The following LRBA variants were observed in gnomAD, a reference collection of about 807,000 sequenced individuals.
LRBA encodes the protein LPS responsive beige-like anchor protein, also known as lipopolysaccharide-responsive and beige-like anchor protein.
A neutral mutation model predicts 330.0 loss-of-function variants in LRBA; 176 were observed. That is an observed-to-expected ratio of 0.53 (90% confidence interval 0.47 to 0.60). The LOEUF (loss-of-function observed/expected upper bound fraction) is 0.60, where lower values mean the gene tolerates loss of function less well. LRBA is among the 20% of genes least tolerant of loss of function. LRBA has a pLI of 0.00. For missense variants in LRBA, 3,259 were observed against 3,444.8 expected, an observed-to-expected ratio of 0.95 and a Z score of 1.35; for synonymous variants, 1,230 against 1,193.0, an observed-to-expected ratio of 1.03 and a Z score of -0.64.
At chr4:150,491,834 C>T (rs1758990631) in intron 40 of LRBA, among the ~76,000 whole-genome samples, 1 of 151,998 alleles carries the variant, frequency 6.6e-6, no homozygotes. Context: ...ATTGTGAAAG[C>T]GTTAAGGGAA....
intron 56 of LRBA, among the ~76,000 whole-genome samples, chr4:150,275,077 C>T (rs905533936): frequency 1.3e-5 from 2 of 152,130 alleles, no homozygotes; most frequent in African/African-American, 4.8e-5. Flanking sequence ...AAAGCTTATC[C>T]ACCATGATCA....
chr4:150,461,863 C>A (rs1484463089), intron 44 of LRBA, among the ~76,000 whole-genome samples: 1 of 151,598 alleles, frequency 6.6e-6, no homozygotes, highest in African/African-American at 2.4e-5. Context: ...AACATGATTG[C>A]CTCAGATTGT....
At chr4:150,482,658 A>G (rs562525391) in intron 42 of LRBA, among the ~76,000 whole-genome samples, 11 of 152,240 alleles carry the variant, frequency 7.2e-5, no homozygotes, top group Non-Finnish European at 1.5e-4. Flanking sequence ...CATCAACAAC[A>G]TGTGAGGTTC....
intron 30 of LRBA, among the ~76,000 whole-genome samples, chr4:150,819,148 T>C (rs1437342571): frequency 1.3e-5 from 2 of 151,454 alleles, no homozygotes; most frequent in South Asian, 2.1e-4. Flanking sequence ...AAAAGCATTA[T>C]GTTGAATGAA....
At chr4:150,400,679 A>AC (rs1745341417) in intron 47 of LRBA, among the ~76,000 whole-genome samples, 1 of 151,830 alleles carries the variant, frequency 6.6e-6, no homozygotes, top group African/African-American at 2.4e-5. Context: ...ACATTAGGAG[A>AC]CCCCCATCTT....
chr4:150,423,091 C>A, intron 46 of LRBA: 1 of 816,636 alleles, frequency 1.2e-6, no homozygotes. Context: ...TGGGGAAGAG[C>A]TCCAAGGCAT....
At chr4:150,461,389 T>C (rs961474784) in intron 44 of LRBA, among the ~76,000 whole-genome samples, 4 of 151,810 alleles carry the variant, frequency 2.6e-5, no homozygotes, top group Admixed American at 2.6e-4. Flanking sequence ...ATTTATACAA[T>C]ATGCACAGTG....
chr4:150,529,669 C>A (rs1763846222), intron 40 of LRBA, among the ~76,000 whole-genome samples: 1 of 151,476 alleles, frequency 6.6e-6, no homozygotes, highest in African/African-American at 2.4e-5. Flanking sequence ...TTGCAGTGAG[C>A]CGAGATCATG....
intron 37 of LRBA, among the ~76,000 whole-genome samples, chr4:150,664,065 G>C (rs1001058068): frequency 6.6e-6 from 1 of 152,188 alleles, no homozygotes; most frequent in African/African-American, 2.4e-5. Flanking sequence ...GAATGGCAAG[G>C]AAGATTTAAG....
chr4:150,980,298 C>A (rs76102981), intron 2 of LRBA, among the ~76,000 whole-genome samples: 2 of 152,048 alleles, frequency 1.3e-5, no homozygotes, highest in Non-Finnish European at 2.9e-5. Context: ...AAAAAACCCT[C>A]AAAAAACTAG....
chr4:150,463,557 T>C (rs1581390684), intron 44 of LRBA, among the ~76,000 whole-genome samples: 1 of 152,092 alleles, frequency 6.6e-6, no homozygotes, highest in East Asian at 1.9e-4. Flanking sequence ...TTTTTACTTT[T>C]AATGTAGCAA....
At chr4:151,007,351 T>C (rs1189626728) in intron 2 of LRBA, among the ~76,000 whole-genome samples, 1 of 149,884 alleles carries the variant, frequency 6.7e-6, no homozygotes, top group East Asian at 2.0e-4. Flanking sequence ...AAATACAAAA[T>C]AAAACTAGCC....
intron 35 of LRBA, among the ~76,000 whole-genome samples, chr4:150,753,085 C>T (rs1733773404): frequency 1.3e-5 from 2 of 152,142 alleles, no homozygotes; most frequent in South Asian, 4.1e-4. Flanking sequence ...ATTTCCTTGG[C>T]GATTCATAGA....
At chr4:150,467,196 T>C (rs569485305) in intron 44 of LRBA, among the ~76,000 whole-genome samples, 3 of 152,238 alleles carry the variant, frequency 2.0e-5, no homozygotes, top group Admixed American at 6.5e-5. Context: ...TATGAGTTCA[T>C]AAAGATACTT....
chr4:150,269,300 A>G (rs1042769791), intron 56 of LRBA, among the ~76,000 whole-genome samples: 3 of 152,258 alleles, frequency 2.0e-5, no homozygotes, highest in Non-Finnish European at 4.4e-5. Context: ...TCACACTGAT[A>G]TAGGCAGACC....
chr4:150,428,222 A>C (rs1293679155), intron 46 of LRBA, among the ~76,000 whole-genome samples: 1 of 152,066 alleles, frequency 6.6e-6, no homozygotes, highest in Non-Finnish European at 1.5e-5. Flanking sequence ...TAAATATAGA[A>C]TATACTTTAC....
At chr4:150,532,871 G>T (rs1764194112) in intron 40 of LRBA, among the ~76,000 whole-genome samples, 1 of 151,952 alleles carries the variant, frequency 6.6e-6, no homozygotes. Context: ...AACAATTGTT[G>T]AACTGATTTC....
intron 14 of LRBA, among the ~76,000 whole-genome samples, chr4:150,898,652 A>T (rs72719678): frequency 3.3e-4 from 3 of 9,118 alleles, no homozygotes; most frequent in East Asian, 0.023. Context: ...AGACAAAAAA[A>T]AATAATAAGA....
intron 36 of LRBA, among the ~76,000 whole-genome samples, chr4:150,710,300 G>C (rs553230823): frequency 6.6e-6 from 1 of 152,068 alleles, no homozygotes; most frequent in South Asian, 2.1e-4. Context: ...ATATTTCTCA[G>C]ATGGGAAAAA....
Sources: gnomAD v4.1 joint callset for allele counts (sites outside exome capture counted in the v4.1 genomes callset) on GRCh38, gnomAD v4.1.1 for gene constraint, MANE v1.5 for transcripts, NCBI Gene and HGNC (gene_info 2026-07-23, HGNC 2026-07-21) for gene names.